Variants in CDC27 observed in about 807,000 individuals in gnomAD.
The protein encoded by CDC27 is cell division cycle protein 27 homolog.
Under a neutral mutation model 109.7 loss-of-function variants are expected in CDC27, and 27 were observed. That is an observed-to-expected ratio of 0.25 (90% confidence interval 0.18 to 0.34). The LOEUF is 0.34. Ranked by LOEUF, CDC27 falls within the 10% of genes least tolerant of loss-of-function variation. The probability of loss-of-function intolerance (pLI) is 1.00; values close to 1 mark genes in which losing one functional copy is unlikely to be tolerated. For missense variants in CDC27, 579 were observed against 960.2 expected, an observed-to-expected ratio of 0.60 and a Z score of 5.25; for synonymous variants, 266 against 333.9, an observed-to-expected ratio of 0.80 and a Z score of 2.22.
chr17:47,160,048 C>A (rs2063451118), intron 4 of CDC27: 1 of 208,464 alleles, frequency 4.8e-6, no homozygotes, highest in South Asian at 6.6e-5. Flanking sequence ...TCTTTTTCCT[C>A]CCCTCTCCCC....
intron 15 of CDC27, among the ~76,000 whole-genome samples, chr17:47,129,905 T>A (rs1165950942): frequency 6.6e-6 from 1 of 152,168 alleles, no homozygotes; most frequent in Non-Finnish European, 1.5e-5. Flanking sequence ...GTTCTATTCA[T>A]AAAAAAGATC....
At chr17:47,171,856 T>C in intron 3 of CDC27, 61 bp downstream of exon 3, 1 of 1,163,650 alleles carries the variant, frequency 8.6e-7, no homozygotes, top group Admixed American at 2.4e-5. Context: ...TGAAAGGAAT[T>C]TTATCCAAAA....
chr17:47,177,108 T>C (rs1046937455), intron 2 of CDC27, among the ~76,000 whole-genome samples: 3 of 152,052 alleles, frequency 2.0e-5, no homozygotes, highest in African/African-American at 7.2e-5. Context: ...CTAAGACAGG[T>C]AGAAAATTGG....
intron 7 of CDC27, chr17:47,154,987 A>C: frequency 2.5e-6 from 1 of 400,416 alleles, no homozygotes. Context: ...AAGCTATCAA[A>C]CAAGGAACTA....
At chr17:47,164,135 G>A (rs2063574727) in intron 4 of CDC27, among the ~76,000 whole-genome samples, 1 of 152,110 alleles carries the variant, frequency 6.6e-6, no homozygotes, top group Non-Finnish European at 1.5e-5. Context: ...TTACCATACT[G>A]TTATAACTGC....
chr17:47,166,486 G>A (rs2063651556), intron 4 of CDC27, among the ~76,000 whole-genome samples: 1 of 152,126 alleles, frequency 6.6e-6, no homozygotes, highest in Non-Finnish European at 1.5e-5. Context: ...AAGTAATGGT[G>A]TTCTCTCTCT....
rs531715934 is a variant in CDC27 at position 47,120,823 on chromosome 17, A to T, written c.*112T>A. ...ATGAAAGTGGCACACTCATGGTATA[A>T]GTGACGGACGATGACACCGCCAGCT... On this transcript the variant is annotated 3_prime_UTR_variant, in exon 19 of 19. Coordinates refer to ENST00000066544, the MANE Select transcript of CDC27 (RefSeq NM_001256.6). The T allele has an allele frequency of 2.8e-6, 2 of 726,238 alleles. No homozygotes were observed. The highest frequency in any genetic ancestry group is 2.7e-5 in the East Asian group (1 of 36,956). 45.0% of individuals were successfully genotyped at this position (726,238 alleles called of 1,614,324 possible).
intron 4 of CDC27, among the ~76,000 whole-genome samples, chr17:47,168,501 G>GA (rs2063717091): frequency 6.6e-6 from 1 of 152,070 alleles, no homozygotes; most frequent in Non-Finnish European, 1.5e-5. Flanking sequence ...TGGGGACTGT[G>GA]AGTTATTTAT....
rs747660864 is a variant in CDC27, at chr17:47,138,722, T to C, written c.1704+17A>G. 1.2e-5 allele frequency: 19 copies of C among 1,587,278 alleles called. No homozygotes were observed. The highest frequency in any genetic ancestry group is 1.5e-5 in the Non-Finnish European group (17 of 1,160,196). The stretch of plus-strand genomic sequence containing the variant: ...CAAAAAGGTAACTATATAAGCAAAG[T>C]ATTTTGGTTAACATACCTCTGGCGA... On this transcript the variant is annotated intron_variant, in intron 13 of 18. Transcript: ENST00000066544.
At chr17:47,144,032 C>A (rs775147698) in intron 9 of CDC27, 50 bp from the exon 10 acceptor site, 1 of 683,496 alleles carries the variant, frequency 1.5e-6, no homozygotes, top group South Asian at 4.3e-5. Context: ...TGATTTATGA[C>A]CATTAACCAT....
chr17:47,181,254 CAAAAAAAAAAAAAAAAAAAAA>C (rs34104273), intron 2 of CDC27: 18 of 31,238 alleles, frequency 5.8e-4, no homozygotes, highest in Admixed American at 9.4e-4. Context: ...GACCCTGTTT[CAAAAAAAAAAAAAAAAAAAAA>C]AAAAAAAAAA....
intron 2 of CDC27, among the ~76,000 whole-genome samples, chr17:47,175,730 C>T (rs1410683080): frequency 6.6e-6 from 1 of 152,162 alleles, no homozygotes; most frequent in Non-Finnish European, 1.5e-5. Context: ...GTACAAGAAT[C>T]GCTTGAACCT....
Position 47,154,615 on chromosome 17 carries a change from T to C in CDC27, c.957+57A>G, listed in dbSNP as rs186447343. ...TTTCCCTGAGATTACCTTTAAAAGA[T>C]TGAAATAAACAAGTTGCTTTAATCA... On this transcript the variant is annotated intron_variant, in intron 8 of 18. Coordinates refer to ENST00000066544, the MANE Select transcript of CDC27 (RefSeq NM_001256.6). 9.4e-4 allele frequency: 843 copies of C among 894,544 alleles called. 3 individuals are homozygous for C. Among genetic ancestry groups the C allele is most frequent in the Admixed American group, 1.5e-3 (64 of 42,492 alleles). The allele number at this position is 894,544 out of a possible 1,614,324, so 55.4% of individuals were successfully genotyped here.
rs190169844 is a variant in CDC27 at position 47,154,578 on chromosome 17, A to G, written c.957+94T>C. 4.1e-4 allele frequency: 274 copies of G among 666,006 alleles called. 2 individuals carry two copies. The African/African-American group carries it at 4.6e-3, about 11-fold the overall frequency. The allele number at this position is 666,006 out of a possible 1,614,324, so 41.3% of individuals were successfully genotyped here. On this transcript the variant is annotated intron_variant, in intron 8 of 18. Transcript: ENST00000066544. ...TCAAATATAAGGCAAAAGCAATTACATAAAGTAAGATTTTCCCTGAGATTA... is the reference window on the plus strand; with the variant it reads ...TCAAATATAAGGCAAAAGCAATTACGTAAAGTAAGATTTTCCCTGAGATTA...
chr17:47,185,409 T>A (rs1020463963), intron 1 of CDC27, among the ~76,000 whole-genome samples: 1 of 152,144 alleles, frequency 6.6e-6, no homozygotes. Context: ...GGTCTCGATC[T>A]CCTGACCTCG....
intron 16 of CDC27, among the ~76,000 whole-genome samples, chr17:47,125,235 CTTTTTTTTTTTT>C (rs58631604): frequency 2.5e-4 from 12 of 48,044 alleles, no homozygotes; most frequent in Middle Eastern, 0.016. Flanking sequence ...TTAAAGAAAT[CTTTTTTTTTTTT>C]TTTTTTTTTT....
intron 14 of CDC27, among the ~76,000 whole-genome samples, chr17:47,134,480 TTTTTG>T (rs576184074): frequency 2.6e-4 from 40 of 151,434 alleles, no homozygotes; most frequent in African/African-American, 4.6e-4. Flanking sequence ...AATTGTTTTT[TTTTTG>T]TTTTGTTTTG....
At chr17:47,132,779 T>C (rs1396938263) in intron 14 of CDC27, among the ~76,000 whole-genome samples, 1 of 132,808 alleles carries the variant, frequency 7.5e-6, no homozygotes, top group Non-Finnish European at 1.6e-5. Context: ...TTATTATTAT[T>C]ATATTTTAAA....
At chr17:47,146,636 A>G (rs2062967322) in intron 9 of CDC27, among the ~76,000 whole-genome samples, 1 of 152,194 alleles carries the variant, frequency 6.6e-6, no homozygotes, top group African/African-American at 2.4e-5. Context: ...AGTCCAGACT[A>G]AGGCTACTTT....
Sources: gnomAD v4.1 joint callset for allele counts (sites outside exome capture counted in the v4.1 genomes callset) on GRCh38, gnomAD v4.1.1 for gene constraint, MANE v1.5 for transcripts, NCBI Gene and HGNC (gene_info 2026-07-23, HGNC 2026-07-21) for gene names.